IL23R: variants seen among roughly 807,000 people sequenced by gnomAD.
IL23R encodes the protein interleukin-23 receptor.
Under a neutral mutation model 56.9 loss-of-function variants are expected in IL23R, and 34 were observed. The ratio of observed to expected loss-of-function variants is 0.60; its 90% CI spans 0.45 to 0.80. IL23R has a LOEUF of 0.80. Among genes scored for constraint, IL23R ranks in the 30% least tolerant of loss-of-function variants. The probability of loss-of-function intolerance (pLI) is 0.00; values close to 1 mark genes in which losing one functional copy is unlikely to be tolerated. For synonymous variants in IL23R, 230 were observed against 249.2 expected (o/e 0.92, Z 0.73); for missense variants, 635 against 730.0 (o/e 0.87, Z 1.50).
chr1:67,202,854 C>G (rs1004821), intron 5 of IL23R, among the ~76,000 whole-genome samples: 52,341 of 151,950 alleles, frequency 0.34, 9,474 homozygotes, highest in Admixed American at 0.46. Context: ...GTATTTCAGG[C>G]GTGAGCCACC....
At chr1:67,185,543 A>G (rs1647277371) in intron 4 of IL23R, among the ~76,000 whole-genome samples, 1 of 152,134 alleles carries the variant, frequency 6.6e-6, no homozygotes, top group Admixed American at 6.6e-5. Flanking sequence ...CTGGGTTTCA[A>G]GCAATTCTCC....
chr1:67,191,350 TG>T (rs1647730073), intron 4 of IL23R, among the ~76,000 whole-genome samples: 1 of 152,190 alleles, frequency 6.6e-6, no homozygotes, highest in Non-Finnish European at 1.5e-5. Flanking sequence ...CCCATATAGT[TG>T]ATCTTTCCTG....
chr1:67,183,470 G>A (rs1452428552), intron 4 of IL23R, among the ~76,000 whole-genome samples: 2 of 152,192 alleles, frequency 1.3e-5, no homozygotes, highest in Non-Finnish European at 2.9e-5. Flanking sequence ...AGGAGGCAGA[G>A]GTTGCAGTGA....
At chr1:67,162,633 G>A (rs1475176700), upstream of IL23R, among the ~76,000 whole-genome samples, 2 of 152,174 alleles carry the variant, frequency 1.3e-5, no homozygotes, top group Non-Finnish European at 2.9e-5. Context: ...ATTTTAGTGA[G>A]CTTCACATAT....
Position 67,185,949 on chromosome 1 carries a change from G to A in IL23R, c.491+2990G>A, listed in dbSNP as rs147580384. 3.7e-3 allele frequency among the ~76,000 whole-genome samples: 565 copies of A among 152,282 alleles called. 4 individuals carry two copies. Among genetic ancestry groups the A allele is most frequent in the African/African-American group, 0.013 (539 of 41,572 alleles). On this transcript the variant is annotated intron_variant, in intron 4 of 10. Transcript: ENST00000347310. Reference sequence around the variant, plus strand: ...ACCTTGTGAGGGAACTATCGTTATTGTTCCCATTTTACAGATGGCGTGGGG... The same window carrying A: ...ACCTTGTGAGGGAACTATCGTTATTATTCCCATTTTACAGATGGCGTGGGG...
chr1:67,219,524 G>A, intron 6 of IL23R, 50 bp from the exon 7 acceptor site: 2 of 1,559,742 alleles, frequency 1.3e-6, no homozygotes, highest in Non-Finnish European at 1.8e-6. Flanking sequence ...AAATAAAATA[G>A]TTGTTTTAAA....
rs571214620 is a variant in IL23R at position 67,185,337 on chromosome 1, G to A, written c.491+2378G>A. Among the ~76,000 whole-genome samples, 26 of 152,228 alleles carry A rather than the reference G, an allele frequency of 1.7e-4. No homozygotes were observed. In the East Asian group the frequency reaches 5.0e-3, roughly 29 times the overall value. ...GGTGTGTGGAGGACCAGATCGCAGGGCATATTTAAGATATTCTACTCAGTT... is the reference window on the plus strand; with the variant it reads ...GGTGTGTGGAGGACCAGATCGCAGGACATATTTAAGATATTCTACTCAGTT... On this transcript the variant is annotated intron_variant, in intron 4 of 10. Transcript: ENST00000347310.
the IL23R span, among the ~76,000 whole-genome samples, chr1:67,265,610 T>C: frequency 6.6e-6 from 1 of 152,242 alleles, no homozygotes; most frequent in Non-Finnish European, 1.5e-5. Context: ...AATTTTTCAC[T>C]AGTACACCTA....
intron 4 of IL23R, among the ~76,000 whole-genome samples, chr1:67,185,019 C>T (rs189254316): frequency 9.8e-5 from 15 of 152,312 alleles, no homozygotes; most frequent in South Asian, 6.2e-4. Context: ...GAGAGTGAGC[C>T]CTCACCAGAC....
At position 67,222,102 on chromosome 1, in the gene IL23R, CTTTTTTTTTTTTTTTT is replaced by C. The variant is rs72241835; in HGVS notation, c.955+2385_955+2400del. Reference sequence around the variant, plus strand: ...TCCTTTTCTCTTTCTTTCTTTCTTTCTTTTTTTTTTTTTTTTTTTTTTTTTTTTGACAGTCTTGCTC... The same window carrying C: ...TCCTTTTCTCTTTCTTTCTTTCTTTCTTTTTTTTTTTTGACAGTCTTGCTC... On this transcript the variant is annotated intron_variant, in intron 7 of 10. Transcript: ENST00000347310. 2.9e-3 allele frequency among the ~76,000 whole-genome samples: 173 copies of C among 58,906 alleles called. 1 individual carries two copies. Among genetic ancestry groups the C allele is most frequent in the African/African-American group, 0.01 (165 of 15,906 alleles). 38.6% of individuals were successfully genotyped at this position (58,906 alleles called of 152,430 possible). A position where few individuals can be genotyped will look rare whatever the true frequency, so the allele number is the denominator to read the frequency against.
chr1:67,173,652 G>C (rs890281159), intron 3 of IL23R, among the ~76,000 whole-genome samples: 1 of 152,010 alleles, frequency 6.6e-6, no homozygotes, highest in African/African-American at 2.4e-5. Flanking sequence ...TGTTCTTACT[G>C]TTTGAATATA....
intron 3 of IL23R, among the ~76,000 whole-genome samples, chr1:67,180,301 T>C (rs35342541): frequency 6.6e-6 from 1 of 152,216 alleles, no homozygotes; most frequent in Admixed American, 6.5e-5. Flanking sequence ...ATCTGGGTGC[T>C]CCTGTATTGG....
chr1:67,197,085 C>T (rs569029312), intron 4 of IL23R, among the ~76,000 whole-genome samples: 229 of 152,266 alleles, frequency 1.5e-3, no homozygotes, highest in African/African-American at 5.2e-3. Flanking sequence ...AGGCAAACAC[C>T]AGGGCTGACC....
Position 67,233,041 on chromosome 1 carries a change from C to A in IL23R, c.956-3672C>A, listed in dbSNP as rs531672463. Among the ~76,000 whole-genome samples, 4 of 151,860 alleles carry A rather than the reference C, an allele frequency of 2.6e-5. No homozygotes were observed. In the South Asian group the frequency reaches 8.4e-4, roughly 32 times the overall value. ...GTGGAACTGTGAGTCAATTAAAATTCTCTTCTTTATAAATTTCCCAGTTTT... is the reference window on the plus strand; with the variant it reads ...GTGGAACTGTGAGTCAATTAAAATTATCTTCTTTATAAATTTCCCAGTTTT... On this transcript the variant is annotated intron_variant, in intron 7 of 10. Transcript: ENST00000347310.
rs750384110 is a variant in IL23R, at chr1:67,255,949, A to G, written c.1239+22A>G. 19 of 1,396,284 alleles carry G rather than the reference A, an allele frequency of 1.4e-5. 1 individual carries two copies. In the South Asian group the frequency reaches 2.0e-4, roughly 14 times the overall value. The allele number at this position is 1,396,284 out of a possible 1,614,324, so 86.5% of individuals were successfully genotyped here. A position where few individuals can be genotyped will look rare whatever the true frequency, so the allele number is the denominator to read the frequency against. The stretch of plus-strand genomic sequence containing the variant: ...ACAGGTAACCTAACATCATCCAACA[A>G]AAACTGAGTGGCAATTGAGACCAAG... On this transcript the variant is annotated intron_variant, in intron 10 of 10. Transcript: ENST00000347310.
At position 67,243,614 on chromosome 1, in the gene IL23R, C is replaced by T. The variant is rs141752003; in HGVS notation, c.1148+3333C>T. Among the ~76,000 whole-genome samples the T allele has an allele frequency of 7.1e-3, 1,086 of 152,272 alleles. 13 individuals carry two copies. The highest frequency in any genetic ancestry group is 0.025 in the African/African-American group (1,027 of 41,550). Reference sequence around the variant, plus strand: ...TGAGAATGACGGTTTCCAGATTCATCCATGTCCCTGCAAAGGACATGAACT... The same window carrying T: ...TGAGAATGACGGTTTCCAGATTCATTCATGTCCCTGCAAAGGACATGAACT... On this transcript the variant is annotated intron_variant, in intron 9 of 10. Transcript: ENST00000347310.
rs547510231 is a variant in IL23R at position 67,255,841 on chromosome 1, A to G, written c.1153A>G (p.Lys385Glu). The stretch of plus-strand genomic sequence containing the variant: ...CGTGTCATTTTTGTTTTTTAGGATT[A>G]AAAGAAGGATCTTATTGTTAATACC... ...IFNRSFRTGI[K>E]RRILLLIPKW... is the part of the protein sequence containing the mutation. Residue 385 changes from lysine (K) to glutamate (E), a missense_variant, in exon 10 of 11, where the codon AAA becomes GAA. Coordinates refer to ENST00000347310, the MANE Select transcript of IL23R (RefSeq NM_144701.3). 1 of 1,509,688 alleles carries G rather than the reference A, an allele frequency of 6.6e-7. No individual in the cohort carries two copies. The highest frequency in any genetic ancestry group is 1.4e-5 in the African/African-American group (1 of 73,062). The allele number at this position is 1,509,688 out of a possible 1,614,324, so 93.5% of individuals were successfully genotyped here.
chr1:67,236,599 T>C (rs989418769), intron 7 of IL23R, 114 bp from the exon 8 acceptor site: 1 of 728,560 alleles, frequency 1.4e-6, no homozygotes, highest in Non-Finnish European at 2.5e-6. Flanking sequence ...TCAAGCCCAT[T>C]AAAGTTATTG....
chr1:67,158,035 G>A (rs1646783797), intron 1 of IL23R, among the ~76,000 whole-genome samples: 1 of 152,130 alleles, frequency 6.6e-6, no homozygotes, highest in Admixed American at 6.5e-5. Flanking sequence ...GGCCAACATG[G>A]TGAAACCCCA....
Sources: gnomAD v4.1 joint callset for allele counts (sites outside exome capture counted in the v4.1 genomes callset) on GRCh38, gnomAD v4.1.1 for gene constraint, MANE v1.5 for transcripts, NCBI Gene and HGNC (gene_info 2026-07-23, HGNC 2026-07-21) for gene names.